The following PLCXD3 variants were observed in gnomAD, a reference collection of about 807,000 sequenced individuals.
The protein encoded by PLCXD3 is PI-PLC X domain-containing protein 3.
Under a neutral mutation model 25.5 loss-of-function variants are expected in PLCXD3, and 19 were observed. That is an observed-to-expected ratio of 0.75 (90% CI 0.52 to 1.09). The LOEUF (loss-of-function observed/expected upper bound fraction) is 1.09. Among genes scored for constraint, PLCXD3 ranks in the 50% least tolerant of loss-of-function variants. The pLI is 0.00. For synonymous variants in PLCXD3, 174 were observed against 137.6 expected (o/e 1.26, Z -1.85); for missense variants, 411 against 388.1 (o/e 1.06, Z -0.50).
chr5:41,440,512 T>C (rs966421155), intron 1 of PLCXD3, among the ~76,000 whole-genome samples: 3 of 151,948 alleles, frequency 2.0e-5, no homozygotes, highest in African/African-American at 7.3e-5. Flanking sequence ...GGATTACAGG[T>C]GTGAGCCGCC....
rs771943902 is a variant in PLCXD3, at chr5:41,510,519, G to A, written c.8C>T (p.Ser3Leu). Residue 3 changes from serine to leucine, a missense_variant, in exon 1 of 3, where the codon TCG becomes TTG. Physicochemically the swap from Ser to Leu is moderately radical, Grantham distance 145. Transcript: ENST00000377801. ...TTTCAGCTCGTTTTTCCCCTGAGAC[G>A]AGGCCATCGTGCCAGTCGGCGTGCA... MA[S>L]SQGKNELKLA... is the part of the protein sequence containing the mutation. 4 of 1,612,792 alleles carry A rather than the reference G, an allele frequency of 2.5e-6. No individual in the cohort carries two copies. The African/African-American group carries it at 5.3e-5, about 22-fold the overall frequency.
At chr5:41,441,805 T>C (rs543617126) in intron 1 of PLCXD3, among the ~76,000 whole-genome samples, 1 of 152,290 alleles carries the variant, frequency 6.6e-6, no homozygotes, top group East Asian at 1.9e-4. Flanking sequence ...AGAATGAAAA[T>C]AACAATATGA....
intron 1 of PLCXD3, among the ~76,000 whole-genome samples, chr5:41,433,750 C>G (rs1267165510): frequency 6.6e-6 from 1 of 152,218 alleles, no homozygotes; most frequent in Non-Finnish European, 1.5e-5. Flanking sequence ...CTGATCTAAA[C>G]AGCGCCCTCA....
At chr5:41,452,759 T>G (rs1747664236) in intron 1 of PLCXD3, among the ~76,000 whole-genome samples, 2 of 152,008 alleles carry the variant, frequency 1.3e-5, no homozygotes, top group South Asian at 4.1e-4. Flanking sequence ...TCAGCTAGTA[T>G]CAGAAATTTG....
At chr5:41,506,359 C>T (rs560727308) in intron 1 of PLCXD3, among the ~76,000 whole-genome samples, 5 of 152,236 alleles carry the variant, frequency 3.3e-5, no homozygotes, top group Admixed American at 1.3e-4. Flanking sequence ...TTTCCTTGTT[C>T]GCAAAACCAA....
chr5:41,485,594 C>T (rs1748500407), intron 1 of PLCXD3, among the ~76,000 whole-genome samples: 1 of 152,170 alleles, frequency 6.6e-6, no homozygotes. Context: ...CTCTCTAAAA[C>T]ACACTGAAGC....
intron 1 of PLCXD3, among the ~76,000 whole-genome samples, chr5:41,481,271 G>A (rs149050551): frequency 6.6e-6 from 1 of 152,264 alleles, no homozygotes; most frequent in Non-Finnish European, 1.5e-5. Flanking sequence ...GTTGTTATAA[G>A]TATTAGAGTT....
intron 1 of PLCXD3, among the ~76,000 whole-genome samples, chr5:41,387,864 T>G (rs1312596056): frequency 6.6e-6 from 1 of 152,128 alleles, no homozygotes; most frequent in Non-Finnish European, 1.5e-5. Context: ...GATAAATAAT[T>G]ATAATACATT....
intron 1 of PLCXD3, among the ~76,000 whole-genome samples, chr5:41,412,188 A>G (rs1490970028): frequency 6.6e-6 from 1 of 152,014 alleles, no homozygotes; most frequent in Non-Finnish European, 1.5e-5. Flanking sequence ...ATTCTTACTC[A>G]TGTTTGGTCT....
intron 1 of PLCXD3, among the ~76,000 whole-genome samples, chr5:41,482,336 T>G (rs1561286152): frequency 1.3e-5 from 2 of 152,164 alleles, no homozygotes; most frequent in African/African-American, 2.4e-5. Flanking sequence ...ACCCTATCCA[T>G]GAAGAGAAAT....
intron 1 of PLCXD3, among the ~76,000 whole-genome samples, chr5:41,484,380 G>A (rs775468431): frequency 6.6e-6 from 1 of 151,990 alleles, no homozygotes; most frequent in Non-Finnish European, 1.5e-5. Flanking sequence ...CTTTAGTTTT[G>A]AGCAACTTTT....
intron 1 of PLCXD3, among the ~76,000 whole-genome samples, chr5:41,438,262 T>C (rs1747301398): frequency 6.6e-6 from 1 of 152,178 alleles, no homozygotes; most frequent in South Asian, 2.1e-4. Context: ...TTTAATCAAT[T>C]TTCCTTAGTT....
intron 1 of PLCXD3, among the ~76,000 whole-genome samples, chr5:41,506,252 C>T (rs1386796443): frequency 6.6e-6 from 1 of 152,156 alleles, no homozygotes; most frequent in East Asian, 1.9e-4. Context: ...GGTAAAATAG[C>T]ATATATAACA....
At chr5:41,427,987 C>T (rs2150507790) in intron 1 of PLCXD3, among the ~76,000 whole-genome samples, 1 of 152,272 alleles carries the variant, frequency 6.6e-6, no homozygotes, top group South Asian at 2.1e-4. Flanking sequence ...GGGGAGCCAC[C>T]CTGTAAATTT....
intron 1 of PLCXD3, among the ~76,000 whole-genome samples, chr5:41,389,660 GA>G (rs1287375597): frequency 6.6e-6 from 1 of 152,094 alleles, no homozygotes; most frequent in Non-Finnish European, 1.5e-5. Flanking sequence ...GTGACCATCA[GA>G]AACTTCAGGA....
intron 1 of PLCXD3, among the ~76,000 whole-genome samples, chr5:41,413,470 C>T (rs1312682450): frequency 6.6e-6 from 1 of 152,160 alleles, no homozygotes; most frequent in Non-Finnish European, 1.5e-5. Flanking sequence ...CTACTTCTGG[C>T]CCCAATAAAC....
chr5:41,380,080 A>C lies in PLCXD3; in HGVS notation c.812+1746T>G, dbSNP rs319006. 2.2e-3 allele frequency among the ~76,000 whole-genome samples: 334 copies of C among 152,050 alleles called. 2 individuals are homozygous for C. The highest frequency in any genetic ancestry group is 7.6e-3 in the African/African-American group (316 of 41,514). On this transcript the variant is annotated intron_variant, in intron 2 of 2. Transcript: ENST00000377801. Reference sequence around the variant, plus strand: ...GAGTTTTCACCATCGAGAAATGCCAACAACCCCCAAATGAGTTGGCCTATA... The same window carrying C: ...GAGTTTTCACCATCGAGAAATGCCACCAACCCCCAAATGAGTTGGCCTATA...
intron 1 of PLCXD3, among the ~76,000 whole-genome samples, chr5:41,414,340 T>A (rs1230540038): frequency 2.0e-5 from 3 of 152,090 alleles, no homozygotes; most frequent in Non-Finnish European, 4.4e-5. Flanking sequence ...GTAGCTGGGA[T>A]TATAGGTATG....
intron 2 of PLCXD3, among the ~76,000 whole-genome samples, chr5:41,319,408 A>G: frequency 6.6e-6 from 1 of 152,172 alleles, no homozygotes; most frequent in Non-Finnish European, 1.5e-5. Flanking sequence ...AATATCAAAC[A>G]TCTTCTCTGA....
Sources: gnomAD v4.1 joint callset for allele counts (sites outside exome capture counted in the v4.1 genomes callset) on GRCh38, gnomAD v4.1.1 for gene constraint, MANE v1.5 for transcripts, NCBI Gene and HGNC (gene_info 2026-07-23, HGNC 2026-07-21) for gene names.